ITFG1: variants seen among roughly 807,000 people sequenced by gnomAD.
The protein encoded by ITFG1 is T-cell immunomodulatory protein.
In ITFG1, 34 loss-of-function variants were observed where a neutral mutation model predicts 81.8. The ratio of observed to expected loss-of-function variants is 0.42; its 90% confidence interval spans 0.32 to 0.55. The LOEUF (loss-of-function observed/expected upper bound fraction) is 0.55. Ranked by LOEUF, ITFG1 falls within the 20% of genes least tolerant of loss-of-function variation. The pLI is 0.17. For missense variants in ITFG1, 672 were observed against 755.4 expected, an observed-to-expected ratio of 0.89 and a Z score of 1.29; for synonymous variants, 285 against 270.6, an observed-to-expected ratio of 1.05 and a Z score of -0.52.
intron 12 of ITFG1, among the ~76,000 whole-genome samples, chr16:47,249,565 T>G (rs772168264): frequency 2.6e-4 from 40 of 152,294 alleles, no homozygotes; most frequent in Non-Finnish European, 4.6e-4. Flanking sequence ...TAAAAAAATA[T>G]GAAAACAGCC....
chr16:47,260,361 G>C (rs990910005), intron 11 of ITFG1, among the ~76,000 whole-genome samples, 184 bp downstream of exon 11: 5 of 152,182 alleles, frequency 3.3e-5, no homozygotes, highest in African/African-American at 7.2e-5. Context: ...TGACTGTACT[G>C]ATCAGCCAAT....
chr16:47,171,029 C>CTTT (rs61494352), intron 14 of ITFG1, among the ~76,000 whole-genome samples: 1 of 97,738 alleles, frequency 1.0e-5, no homozygotes, highest in Non-Finnish European at 2.1e-5. Context: ...GCCACTGTGC[C>CTTT]TTTTTTTTTT....
intron 6 of ITFG1, among the ~76,000 whole-genome samples, chr16:47,416,423 T>C (rs923388290): frequency 5.3e-5 from 8 of 152,202 alleles, no homozygotes; most frequent in African/African-American, 1.9e-4. Flanking sequence ...GGAAGTTCTC[T>C]TTATATTAAG....
At chr16:47,420,952 G>A (rs918769089) in intron 6 of ITFG1, among the ~76,000 whole-genome samples, 4 of 151,944 alleles carry the variant, frequency 2.6e-5, no homozygotes, top group Admixed American at 6.6e-5. Flanking sequence ...TGTTAGATGC[G>A]TATATATTAA....
intron 14 of ITFG1, among the ~76,000 whole-genome samples, chr16:47,187,937 C>G (rs1384445084): frequency 1.3e-5 from 2 of 151,884 alleles, no homozygotes; most frequent in African/African-American, 4.8e-5. Context: ...ACAACCACAT[C>G]AAAAAGTGGG....
At position 47,280,234 on chromosome 16, in the gene ITFG1, A is replaced by G. The variant is rs946025232; in HGVS notation, c.1071-19539T>C. Among the ~76,000 whole-genome samples, 3 of 152,296 alleles carry G rather than the reference A, an allele frequency of 2.0e-5. No individual in the cohort carries two copies. In the South Asian group the frequency reaches 6.2e-4, roughly 32 times the overall value. On this transcript the variant is annotated intron_variant, in intron 10 of 17. Coordinates refer to ENST00000320640, the MANE Select transcript of ITFG1 (RefSeq NM_030790.5). ...ATTACTTTTACTTTCACCATTAATT[A>G]TAAGGTTGGCTGTAGATTTTTTTAT...
chr16:47,437,796 A>G (rs1363821570), intron 5 of ITFG1, among the ~76,000 whole-genome samples: 1 of 152,264 alleles, frequency 6.6e-6, no homozygotes, highest in Non-Finnish European at 1.5e-5. Flanking sequence ...TGATTTCTGC[A>G]TTTCCAACTG....
chr16:47,307,983 T>A (rs976741869), intron 10 of ITFG1, among the ~76,000 whole-genome samples: 1 of 152,234 alleles, frequency 6.6e-6, no homozygotes, highest in African/African-American at 2.4e-5. Flanking sequence ...ATTTTGTTAT[T>A]TCTCATGGCT....
intron 7 of ITFG1, among the ~76,000 whole-genome samples, chr16:47,366,558 C>G (rs184083026): frequency 5.5e-4 from 84 of 152,210 alleles, no homozygotes; most frequent in Non-Finnish European, 1.0e-3. Flanking sequence ...ATCTGATTAC[C>G]AAAAATAATA....
intron 16 of ITFG1, among the ~76,000 whole-genome samples, chr16:47,160,792 A>G (rs540174235): frequency 6.6e-6 from 1 of 152,302 alleles, no homozygotes; most frequent in African/African-American, 2.4e-5. Context: ...GCCAATTTTC[A>G]TGGAGTAGAT....
chr16:47,364,334 A>C (rs995529454), intron 8 of ITFG1, among the ~76,000 whole-genome samples: 1 of 152,234 alleles, frequency 6.6e-6, no homozygotes, highest in Non-Finnish European at 1.5e-5. Flanking sequence ...TATGTTTAGC[A>C]AAATTGTAAA....
chr16:47,379,405 G>A (rs1180532887), intron 6 of ITFG1, among the ~76,000 whole-genome samples: 3 of 152,136 alleles, frequency 2.0e-5, no homozygotes, highest in African/African-American at 7.2e-5. Flanking sequence ...ATGAGATTCT[G>A]GACTGGGCAC....
At chr16:47,299,604 T>G (rs950856209) in intron 10 of ITFG1, 2 of 152,656 alleles carry the variant, frequency 1.3e-5, no homozygotes, top group African/African-American at 4.8e-5. Flanking sequence ...GAGCAACTCT[T>G]TCTGTTCCAA....
intron 13 of ITFG1, among the ~76,000 whole-genome samples, chr16:47,231,834 G>C (rs1965819582): frequency 1.3e-5 from 2 of 152,220 alleles, no homozygotes; most frequent in Non-Finnish European, 2.9e-5. Context: ...CTACTTTCCA[G>C]AGCCTGCTGA....
At chr16:47,242,239 T>C (rs980137615) in intron 12 of ITFG1, among the ~76,000 whole-genome samples, 2 of 151,040 alleles carry the variant, frequency 1.3e-5, no homozygotes, top group African/African-American at 2.4e-5. Flanking sequence ...CTATTGCTAA[T>C]ATAAAAAGAA....
At position 47,219,597 on chromosome 16, in the gene ITFG1, A is replaced by G. The variant is rs140808137; in HGVS notation, c.1375-651T>C. The stretch of plus-strand genomic sequence containing the variant: ...AAAGAAACCAAAGATTGCAATGGAC[A>G]TCCTAAGATGACAAAATGTTTAAGA... On this transcript the variant is annotated intron_variant, in intron 13 of 17. Transcript: ENST00000320640. Among the ~76,000 whole-genome samples, 894 of 152,272 alleles carry G rather than the reference A, an allele frequency of 5.9e-3. 7 individuals carry two copies. The highest frequency in any genetic ancestry group is 0.02 in the African/African-American group (850 of 41,566).
At chr16:47,389,535 T>C (rs1019857589) in intron 6 of ITFG1, among the ~76,000 whole-genome samples, 1 of 152,170 alleles carries the variant, frequency 6.6e-6, no homozygotes, top group Non-Finnish European at 1.5e-5. Context: ...ATAATAAACA[T>C]TGTAAATAAT....
intron 14 of ITFG1, among the ~76,000 whole-genome samples, chr16:47,183,481 T>C (rs1419900952): frequency 1.3e-5 from 2 of 152,156 alleles, no homozygotes; most frequent in Non-Finnish European, 2.9e-5. Context: ...CCCTGACCCC[T>C]GACCCCCAGG....
intron 8 of ITFG1, among the ~76,000 whole-genome samples, chr16:47,316,034 G>A (rs1351627105): frequency 6.6e-6 from 1 of 151,932 alleles, no homozygotes; most frequent in Non-Finnish European, 1.5e-5. Flanking sequence ...CAAGAGATCC[G>A]CCTGCCCTGG....
Sources: allele counts gnomAD v4.1 joint callset (sites outside exome capture counted in the v4.1 genomes callset), GRCh38; gene constraint gnomAD v4.1.1; transcripts MANE v1.5; gene names NCBI Gene and HGNC (gene_info 2026-07-23, HGNC 2026-07-21).